DOC2B: variants seen among roughly 807,000 people sequenced by gnomAD.
DOC2B encodes the protein double C2 domain beta.
In DOC2B, 21 loss-of-function variants were observed where a neutral mutation model predicts 28.9. The ratio of observed to expected loss-of-function variants is 0.73; its 90% confidence interval spans 0.52 to 1.05. The LOEUF (loss-of-function observed/expected upper bound fraction) is 1.05. Ranked by LOEUF, DOC2B falls within the 50% of genes least tolerant of loss-of-function variation. The pLI, the probability that DOC2B is intolerant of heterozygous loss-of-function variation, is 0.00. For missense variants in DOC2B, 384 were observed against 421.1 expected (o/e 0.91, Z 0.77); for synonymous variants, 194 against 178.1 (o/e 1.09, Z -0.71).
Position 181,271 on chromosome 17 carries a change from C to T in DOC2B, c.209G>A (p.Arg70His), listed in dbSNP as rs2040439710. The part of the protein sequence containing the change: ...ARPAVAGAGR[R>H]SPSDGAREDD... ...CTCGCGGGCGCCGTCGGAGGGGCTG[C>T]GGCGGCCGGCACCGGCCACAGCCGG... Residue 70 changes from arginine to histidine, a missense_variant, in exon 1 of 9, where the codon CGC (arginine) becomes CAC (histidine). By Grantham distance (29) the Arg-to-His change is conservative (BLOSUM62 0). Coordinates refer to ENST00000613549, the MANE Select transcript of DOC2B (RefSeq NM_003585.5). The surrounding 1 kb of genome is among the most constrained non-coding windows in gnomAD (Gnocchi z 7.0). The T allele has an allele frequency of 3.3e-6, 4 of 1,203,904 alleles. No homozygotes were observed. The East Asian group carries it at 1.4e-4, about 41-fold the overall frequency. The allele number at this position is 1,203,904 out of a possible 1,614,324, so 74.6% of individuals were successfully genotyped here.
chr17:159,760 C>T (rs1349484617), intron 5 of DOC2B, among the ~76,000 whole-genome samples: 1 of 152,198 alleles, frequency 6.6e-6, no homozygotes, highest in East Asian at 1.9e-4. Flanking sequence ...ACGCCCTGAT[C>T]ATGGCCACGC....
In DOC2B at chr17:156,340, C is replaced by T; in HGVS notation, c.803G>A (p.Gly268Asp). The stretch of plus-strand genomic sequence containing the variant: ...GTACTTGAGGGAGATGAGGATGCGG[C>T]CCCGCTCCTCCAGGGACTTGTCTTC... ...KTEDKSLEER[G>D]RILISLKYSS... The change falls in exon 6 of 9, where the codon GGC (glycine) becomes GAC (aspartate). Residue 268 changes from glycine to aspartate, a missense_variant. Transcript: ENST00000613549. 1 of 1,551,440 alleles carries T rather than the reference C, an allele frequency of 6.4e-7. No homozygotes were observed. Among genetic ancestry groups the T allele is most frequent in the Non-Finnish European group, 8.7e-7 (1 of 1,146,892 alleles).
rs9675217 is a variant in DOC2B at position 143,015 on chromosome 17, A to C, written c.*4426T>G. The C allele has an allele frequency of 6.6e-6, 1 of 151,884 alleles. No homozygotes were observed. Among genetic ancestry groups the C allele is most frequent in the Non-Finnish European group, 1.5e-5 (1 of 68,002 alleles). The allele number at this position is 151,884 out of a possible 1,614,324, so 9.4% of individuals were successfully genotyped here. The stretch of plus-strand genomic sequence containing the variant: ...TGTCTTAAATTACCTTCCAAAACGT[A>C]AGACTCTTGGAGCCTCAGACGGGCT... On this transcript the variant is annotated 3_prime_UTR_variant, in exon 9 of 9. Coordinates refer to ENST00000613549, the MANE Select transcript of DOC2B (RefSeq NM_003585.5).
chr17:143,971 G>C lies in DOC2B; in HGVS notation c.*3470C>G, dbSNP rs1451747257. On this transcript the variant is annotated 3_prime_UTR_variant, in exon 9 of 9. Transcript: ENST00000613549. ...TCGGCATGCACGGCCCGGGCTCGGC[G>C]GGCGGACGGGCCGGGGCGCAGTTCC... The C allele has an allele frequency of 6.6e-6, 1 of 152,392 alleles. No homozygotes were observed. 9.4% of individuals were successfully genotyped at this position (152,392 alleles called of 1,614,324 possible).
chr17:153,466 G>C (rs1372349498), intron 6 of DOC2B, among the ~76,000 whole-genome samples: 1 of 152,258 alleles, frequency 6.6e-6, no homozygotes, highest in Non-Finnish European at 1.5e-5. Context: ...CCTTTGGGAG[G>C]CCAGGGTGGG....
rs34855849 is a variant in DOC2B, at chr17:169,070, C to T, written c.453+3467G>A. 7.6e-3 allele frequency among the ~76,000 whole-genome samples: 1,164 copies of T among 152,188 alleles called. 33 individuals are homozygous for T. Among genetic ancestry groups the T allele is most frequent in the East Asian group, 0.07 (361 of 5,140 alleles). The stretch of plus-strand genomic sequence containing the variant: ...TCTCCCCAAAAACCTAGCCCTGCCC[C>T]GCCCTGGGCCTCTCAGAGGCTGTTG... On this transcript the variant is annotated intron_variant, in intron 2 of 8. Coordinates refer to ENST00000613549, the MANE Select transcript of DOC2B (RefSeq NM_003585.5).
At position 146,997 on chromosome 17, in the gene DOC2B, G is replaced by C. The variant is rs985481469; in HGVS notation, c.*444C>G. The C allele has an allele frequency of 1.2e-5, 2 of 160,508 alleles. No homozygotes were observed. The highest frequency in any genetic ancestry group is 3.6e-4 in the East Asian group (2 of 5,518). The allele number at this position is 160,508 out of a possible 1,614,324, so 9.9% of individuals were successfully genotyped here. A position where few individuals can be genotyped will look rare whatever the true frequency, so the allele number is the denominator to read the frequency against. On this transcript the variant is annotated 3_prime_UTR_variant, in exon 9 of 9. Coordinates refer to ENST00000613549, the MANE Select transcript of DOC2B (RefSeq NM_003585.5). The stretch of plus-strand genomic sequence containing the variant: ...GCGAAGGAGATGAGGGATGCAGTTA[G>C]GCTTTCTTGGGCTGGAGCAGCCAGT...
At chr17:151,751 T>A (rs1555521839) in intron 6 of DOC2B, among the ~76,000 whole-genome samples, 1 of 152,172 alleles carries the variant, frequency 6.6e-6, no homozygotes, top group Non-Finnish European at 1.5e-5. Flanking sequence ...CACAAGCCCC[T>A]GGAAGGAAAG....
intron 6 of DOC2B, chr17:155,951 GA>G: frequency 2.3e-6 from 1 of 434,424 alleles, no homozygotes; most frequent in Non-Finnish European, 4.0e-6. Context: ...CAGTCACAGA[GA>G]GGCCTGGACA....
At chr17:173,812 C>T (rs947421791) in intron 1 of DOC2B, among the ~76,000 whole-genome samples, 1 of 152,066 alleles carries the variant, frequency 6.6e-6, no homozygotes, top group Non-Finnish European at 1.5e-5. Context: ...CTGGTGTGAT[C>T]CCGGGATAAG....
chr17:180,663 C>A (rs966393377), intron 1 of DOC2B, among the ~76,000 whole-genome samples: 14 of 152,002 alleles, frequency 9.2e-5, no homozygotes, highest in Non-Finnish European at 1.6e-4. Context: ...CAGCCCCGAC[C>A]CTCGGCCGCG....
At chr17:166,051 C>T (rs1332206210) in intron 2 of DOC2B, among the ~76,000 whole-genome samples, 2 of 152,144 alleles carry the variant, frequency 1.3e-5, no homozygotes, top group African/African-American at 2.4e-5. Flanking sequence ...GGTCGAGGGG[C>T]GCTGTCATGC....
intron 2 of DOC2B, among the ~76,000 whole-genome samples, chr17:169,141 T>TC (rs2151471480): frequency 1.3e-5 from 2 of 152,172 alleles, no homozygotes; most frequent in East Asian, 3.9e-4. Context: ...GAAGTATCAT[T>TC]CAGCCTGAAA....
chr17:156,474 C>T, intron 5 of DOC2B, 97 bp from the exon 6 acceptor site: 1 of 1,394,752 alleles, frequency 7.2e-7, no homozygotes, highest in Non-Finnish European at 9.7e-7. Flanking sequence ...CCGGCTGCTG[C>T]AGCCGGGCCT....
chr17:181,116 C>A lies in DOC2B; in HGVS notation c.364G>T (p.Asp122Tyr). 8.0e-7 allele frequency: 1 copy of A among 1,251,748 alleles called. No individual in the cohort carries two copies. The allele number at this position is 1,251,748 out of a possible 1,614,324, so 77.5% of individuals were successfully genotyped here. Residue 122 changes from aspartate to tyrosine, a missense_variant, in exon 1 of 9, where the codon GAC becomes TAC. By Grantham distance (160) the Asp-to-Tyr change is radical. Coordinates refer to ENST00000613549, the MANE Select transcript of DOC2B (RefSeq NM_003585.5). This position sits in a 1 kb window ranked among gnomAD's most constrained non-coding sequence, Gnocchi z 7.0. ...DEPDADGYES[D>Y]DCTALGTLDF... ...CGCGTGGGAAACTTACTGCAGTCGTCCGACTCGTAGCCGTCGGCGTCCGGC... is the reference window on the plus strand; with the variant it reads ...CGCGTGGGAAACTTACTGCAGTCGTACGACTCGTAGCCGTCGGCGTCCGGC...
intron 2 of DOC2B, among the ~76,000 whole-genome samples, chr17:171,663 C>G (rs1341967440): frequency 5.2e-3 from 1 of 192 alleles, no homozygotes; most frequent in Non-Finnish European, 9.1e-3. Context: ...CTGCAGAGGG[C>G]AGCACCAGGG....
chr17:152,881 T>C (rs2040087175), intron 6 of DOC2B, among the ~76,000 whole-genome samples: 1 of 152,204 alleles, frequency 6.6e-6, no homozygotes, highest in South Asian at 2.1e-4. Context: ...CGTCCCTCCC[T>C]TTCTTCTGGG....
Position 161,570 on chromosome 17 carries a change from CCAGTGCCTCAGACG to C in DOC2B, c.639-43_639-30del, listed in dbSNP as rs779069987. On this transcript the variant is annotated intron_variant, in intron 4 of 8. Transcript: ENST00000613549. Reference sequence around the variant, plus strand: ...GAGGGGGCGGTGGTGAGGGGCACAGCCAGTGCCTCAGACGCACTGGGCATGGTGGAGGTGTGCGC... The same window carrying C: ...GAGGGGGCGGTGGTGAGGGGCACAGCCACTGGGCATGGTGGAGGTGTGCGC... 33 of 1,551,322 alleles carry C rather than the reference CCAGTGCCTCAGACG, an allele frequency of 2.1e-5. No homozygotes were observed. In the South Asian group the frequency reaches 3.8e-4, roughly 18 times the overall value.
At chr17:160,513 A>G (rs537324373) in intron 5 of DOC2B, among the ~76,000 whole-genome samples, 47 of 151,930 alleles carry the variant, frequency 3.1e-4, no homozygotes, top group Non-Finnish European at 5.1e-4. Flanking sequence ...GGCTGGGTAC[A>G]CTGGGGACAG....
Sources: gnomAD v4.1 joint callset for allele counts (sites outside exome capture counted in the v4.1 genomes callset) on GRCh38, gnomAD v4.1.1 for gene constraint, Gnocchi (gnomAD v3.1) non-coding constraint, MANE v1.5 for transcripts, NCBI Gene and HGNC (gene_info 2026-07-23, HGNC 2026-07-21) for gene names.